PTPRJ: variants seen among roughly 807,000 people sequenced by gnomAD.
PTPRJ encodes the protein receptor-type tyrosine-protein phosphatase eta.
A neutral mutation model predicts 141.3 loss-of-function variants in PTPRJ; 129 were observed. The ratio of observed to expected loss-of-function variants is 0.91; its 90% CI spans 0.79 to 1.06. The LOEUF is 1.06. Among genes scored for constraint, PTPRJ ranks in the 50% least tolerant of loss-of-function variants. The pLI is 0.00. For missense variants in PTPRJ, 1,601 were observed against 1,679.7 expected, an observed-to-expected ratio of 0.95 and a Z score of 0.82; for synonymous variants, 610 against 640.5, an observed-to-expected ratio of 0.95 and a Z score of 0.72.
intron 22 of PTPRJ, among the ~76,000 whole-genome samples, chr11:48,162,708 C>T (rs1857816449): frequency 6.6e-6 from 1 of 152,150 alleles, no homozygotes; most frequent in African/African-American, 2.4e-5. Context: ...TATGGTCATT[C>T]CCTGGTATGG....
chr11:48,144,298 A>G (rs1186805887), intron 12 of PTPRJ, among the ~76,000 whole-genome samples: 2 of 152,214 alleles, frequency 1.3e-5, no homozygotes, highest in Non-Finnish European at 1.5e-5. Context: ...GCCATGTTGC[A>G]TAGCAGCCAG....
In PTPRJ at chr11:48,155,832, G is replaced by T. The variant is rs779935505; in HGVS notation, c.3261G>T (p.Gln1087His). The T allele has an allele frequency of 6.8e-6, 11 of 1,609,458 alleles. No individual in the cohort carries two copies. Among genetic ancestry groups the T allele is most frequent in the African/African-American group, 1.3e-5 (1 of 74,758 alleles). ...TTTCCCGTGTCAAACTTTCGGTCCAGACCCATTCAACGGATGACTACATCA... is the reference window on the plus strand; with the variant it reads ...TTTCCCGTGTCAAACTTTCGGTCCATACCCATTCAACGGATGACTACATCA... ...YDISRVKLSVQTHSTDDYINA... is the reference protein window; with the variant it reads ...YDISRVKLSVHTHSTDDYINA... Residue 1087 changes from glutamine (Q) to histidine (H), a missense_variant, in exon 20 of 25, where the codon CAG (glutamine) becomes CAT (histidine). Gln to His is a conservative substitution (Grantham distance 24). Coordinates refer to ENST00000418331, the MANE Select transcript of PTPRJ (RefSeq NM_002843.4).
chr11:48,086,436 T>G (rs1030537986), intron 1 of PTPRJ, among the ~76,000 whole-genome samples: 7 of 152,178 alleles, frequency 4.6e-5, no homozygotes, highest in Non-Finnish European at 8.8e-5. Context: ...CCTCCCAAAG[T>G]GTTGGGATTA....
At chr11:47,981,858 G>A (rs1048887757) in intron 1 of PTPRJ, among the ~76,000 whole-genome samples, 1 of 152,210 alleles carries the variant, frequency 6.6e-6, no homozygotes, top group Non-Finnish European at 1.5e-5. Context: ...CACCCAGCCC[G>A]TGCCATGGGA....
At chr11:48,002,938 A>G (rs1207814751) in intron 1 of PTPRJ, among the ~76,000 whole-genome samples, 1 of 147,914 alleles carries the variant, frequency 6.8e-6, no homozygotes, top group Non-Finnish European at 1.5e-5. Flanking sequence ...AAAGAAATGT[A>G]GAAACTAGAG....
At chr11:48,111,400 CT>C (rs1856437757) in intron 2 of PTPRJ, among the ~76,000 whole-genome samples, 2 of 139,982 alleles carry the variant, frequency 1.4e-5, no homozygotes, top group Non-Finnish European at 3.1e-5. Context: ...AATTTGGGAA[CT>C]TTTTTTTTCC....
chr11:48,003,078 C>G (rs1277993613), intron 1 of PTPRJ, among the ~76,000 whole-genome samples: 1 of 152,162 alleles, frequency 6.6e-6, no homozygotes, highest in Non-Finnish European at 1.5e-5. Flanking sequence ...GGGACCGTTT[C>G]AGGTCCTTTA....
rs921758738 is a variant in PTPRJ, at chr11:48,168,636, A to G, written c.*1274A>G. On this transcript the variant is annotated 3_prime_UTR_variant, in exon 25 of 25. Coordinates refer to ENST00000418331, the MANE Select transcript of PTPRJ (RefSeq NM_002843.4). ...ATGAATTGAGGTGTACAAAGTTTGA[A>G]TTTGTATCAAAGATGTAATTATTAT... 88 of 138,374 alleles carry G rather than the reference A, an allele frequency of 6.4e-4. No individual in the cohort carries two copies. Among genetic ancestry groups the G allele is most frequent in the African/African-American group, 2.3e-3 (86 of 37,048 alleles). 8.6% of individuals were successfully genotyped at this position (138,374 alleles called of 1,614,324 possible).
chr11:48,119,187 C>G (rs1281415599), intron 3 of PTPRJ, among the ~76,000 whole-genome samples: 1 of 152,132 alleles, frequency 6.6e-6, no homozygotes, highest in Non-Finnish European at 1.5e-5. Flanking sequence ...GTTGTTTCAT[C>G]ATCCTCGTCA....
At chr11:48,166,372 G>C (rs1197528432) in intron 24 of PTPRJ, among the ~76,000 whole-genome samples, 1 of 151,274 alleles carries the variant, frequency 6.6e-6, no homozygotes, top group East Asian at 2.0e-4. Flanking sequence ...GGAGTGCAGT[G>C]GTGCCATCTC....
intron 1 of PTPRJ, among the ~76,000 whole-genome samples, chr11:48,105,452 G>A (rs1856264591): frequency 6.6e-6 from 1 of 152,194 alleles, no homozygotes; most frequent in African/African-American, 2.4e-5. Context: ...GTGAATTGAA[G>A]GGTGGTGGCT....
At chr11:48,162,962 T>C (rs1857822969) in intron 22 of PTPRJ, among the ~76,000 whole-genome samples, 1 of 152,198 alleles carries the variant, frequency 6.6e-6, no homozygotes, top group Non-Finnish European at 1.5e-5. Flanking sequence ...CTAGGGGACA[T>C]AGTGAATTAT....
At chr11:48,114,879 A>T (rs1856527407) in intron 3 of PTPRJ, among the ~76,000 whole-genome samples, 1 of 152,228 alleles carries the variant, frequency 6.6e-6, no homozygotes, top group Admixed American at 6.5e-5. Flanking sequence ...AAGCAAACAG[A>T]AATTCTGAAG....
At chr11:48,160,700 C>G (rs576664001) in intron 22 of PTPRJ, among the ~76,000 whole-genome samples, 1 of 152,244 alleles carries the variant, frequency 6.6e-6, no homozygotes, top group South Asian at 2.1e-4. Flanking sequence ...GGCTTGAAGT[C>G]TGAGACTATC....
In PTPRJ at chr11:48,040,761, C is replaced by T. The variant is rs574330344; in HGVS notation, c.96+59753C>T. Among the ~76,000 whole-genome samples the T allele has an allele frequency of 6.1e-4, 93 of 152,056 alleles. 1 individual carries two copies. The highest frequency in any genetic ancestry group is 1.8e-4 in the Non-Finnish European group (12 of 67,992). On this transcript the variant is annotated intron_variant, in intron 1 of 24. Transcript: ENST00000418331. ...GGATTACAGGCACCTGTCACCATGCCCGGCTAATTTTTGTAATTTTAGTAG... is the reference window on the plus strand; with the variant it reads ...GGATTACAGGCACCTGTCACCATGCTCGGCTAATTTTTGTAATTTTAGTAG...
intron 7 of PTPRJ, among the ~76,000 whole-genome samples, chr11:48,128,997 A>T (rs1230897043): frequency 6.6e-6 from 1 of 151,670 alleles, no homozygotes; most frequent in African/African-American, 2.4e-5. Flanking sequence ...CACCACCAAA[A>T]ACAACAACAA....
chr11:48,132,554 C>A, intron 8 of PTPRJ: 1 of 978,908 alleles, frequency 1.0e-6, no homozygotes, highest in Non-Finnish European at 1.2e-6. Context: ...TAGTTGAAAT[C>A]TTTTATACAG....
At chr11:47,994,832 A>G (rs576205936) in intron 1 of PTPRJ, among the ~76,000 whole-genome samples, 2 of 152,294 alleles carry the variant, frequency 1.3e-5, no homozygotes, top group Admixed American at 1.3e-4. Flanking sequence ...AAACATGGAC[A>G]TATTATGGAC....
intron 1 of PTPRJ, among the ~76,000 whole-genome samples, chr11:48,007,652 C>T (rs911766856): frequency 3.9e-5 from 6 of 152,338 alleles, no homozygotes; most frequent in Admixed American, 2.0e-4. Context: ...ATCTGCCCGC[C>T]TCCCAGAATG....
Sources: gnomAD v4.1 joint callset for allele counts (sites outside exome capture counted in the v4.1 genomes callset) on GRCh38, gnomAD v4.1.1 for gene constraint, MANE v1.5 for transcripts, NCBI Gene and HGNC (gene_info 2026-07-23, HGNC 2026-07-21) for gene names.